Variants in CSMD3 observed in about 807,000 individuals in gnomAD.
The protein encoded by CSMD3 is CUB and sushi domain-containing protein 3.
In CSMD3, 177 loss-of-function variants were observed where a neutral mutation model predicts 435.2. That is an observed-to-expected ratio of 0.41 (90% CI 0.36 to 0.46). The LOEUF (loss-of-function observed/expected upper bound fraction) is 0.46. CSMD3 is among the 20% of genes least tolerant of loss of function. CSMD3 has a pLI of 0.34. For synonymous variants in CSMD3, 1,656 were observed against 1,520.5 expected (o/e 1.09, Z -2.07); for missense variants, 4,265 against 4,504.6 (o/e 0.95, Z 1.52).
At chr8:112,621,210 G>A (rs569503568) in intron 22 of CSMD3, among the ~76,000 whole-genome samples, 1 of 151,922 alleles carries the variant, frequency 6.6e-6, no homozygotes, top group South Asian at 2.1e-4. Flanking sequence ...ACTCCAGCCT[G>A]GGCAATAAGA....
intron 5 of CSMD3, among the ~76,000 whole-genome samples, chr8:113,038,718 G>A (rs935044001): frequency 2.0e-5 from 3 of 152,108 alleles, no homozygotes; most frequent in East Asian, 1.9e-4. Flanking sequence ...TCCTTACTGG[G>A]AGCCCTTACA....
At chr8:112,446,177 T>C (rs912716623) in intron 32 of CSMD3, among the ~76,000 whole-genome samples, 3 of 152,220 alleles carry the variant, frequency 2.0e-5, no homozygotes, top group Non-Finnish European at 2.9e-5. Context: ...CAGCTTGTAC[T>C]CTTAATCCAT....
chr8:112,430,127 C>T (rs1309137059), intron 32 of CSMD3, among the ~76,000 whole-genome samples: 1 of 152,020 alleles, frequency 6.6e-6, no homozygotes, highest in Admixed American at 6.6e-5. Context: ...GAATCAAATA[C>T]TTGTACGAGG....
At chr8:112,574,754 A>G (rs888377586) in intron 23 of CSMD3, among the ~76,000 whole-genome samples, 20 of 152,044 alleles carry the variant, frequency 1.3e-4, no homozygotes, top group African/African-American at 4.6e-4. Context: ...TTTATTCCAT[A>G]CTATTTTGTT....
intron 1 of CSMD3, among the ~76,000 whole-genome samples, chr8:113,423,947 G>T (rs1021040096): frequency 4.0e-5 from 6 of 151,760 alleles, no homozygotes; most frequent in African/African-American, 1.4e-4. Context: ...TAACAGTCAA[G>T]ATTTTGAGAT....
intron 13 of CSMD3, among the ~76,000 whole-genome samples, chr8:112,699,101 C>A (rs529431420): frequency 6.6e-6 from 1 of 152,208 alleles, no homozygotes; most frequent in African/African-American, 2.4e-5. Context: ...GCCACCCAAG[C>A]CAGCAGCAGC....
At chr8:113,253,651 C>T (rs1033882586) in intron 3 of CSMD3, among the ~76,000 whole-genome samples, 1 of 151,774 alleles carries the variant, frequency 6.6e-6, no homozygotes, top group African/African-American at 2.4e-5. Context: ...ACCATCCTGG[C>T]CAACATAGTG....
chr8:112,609,765 T>C (rs1441102642), intron 22 of CSMD3, among the ~76,000 whole-genome samples: 1 of 152,162 alleles, frequency 6.6e-6, no homozygotes, highest in Non-Finnish European at 1.5e-5. Flanking sequence ...CCTAAGTGTC[T>C]ATTGATGGAT....
Position 112,223,216 on chromosome 8 carries a change from T to A in CSMD3, c.*1555A>T, listed in dbSNP as rs1316007638. On this transcript the variant is annotated 3_prime_UTR_variant, in exon 71 of 71. Coordinates refer to ENST00000297405, the MANE Select transcript of CSMD3 (RefSeq NM_198123.2). ...GCATCCTGCCAGTAGAGTACCATGT[T>A]GAGAAAATTGTATGAATTTCCAAAA... The A allele has an allele frequency of 1.8e-5, 7 of 391,960 alleles. No individual in the cohort carries two copies. Among genetic ancestry groups the A allele is most frequent in the Non-Finnish European group, 2.7e-5 (6 of 221,636 alleles). 24.3% of individuals were successfully genotyped at this position (391,960 alleles called of 1,614,324 possible). A position where few individuals can be genotyped will look rare whatever the true frequency, so the allele number is the denominator to read the frequency against.
intron 5 of CSMD3, among the ~76,000 whole-genome samples, chr8:113,054,989 T>C (rs1246978744): frequency 2.0e-5 from 3 of 152,174 alleles, no homozygotes; most frequent in African/African-American, 7.2e-5. Context: ...TTATCTAACA[T>C]TTGAAATGTT....
intron 22 of CSMD3, among the ~76,000 whole-genome samples, chr8:112,593,479 G>A (rs922871130): frequency 6.6e-6 from 1 of 152,160 alleles, no homozygotes; most frequent in South Asian, 2.1e-4. Context: ...TAATGCTGAT[G>A]AATGTATTTT....
chr8:113,256,648 TAAAAAATAACTGG>T (rs1275864023), intron 3 of CSMD3, among the ~76,000 whole-genome samples: 1 of 152,162 alleles, frequency 6.6e-6, no homozygotes, highest in Non-Finnish European at 1.5e-5. Flanking sequence ...TTTCTAACTG[TAAAAAATAACTGG>T]CATCAAATTA....
At chr8:112,684,493 T>A (rs2075969547) in intron 15 of CSMD3, among the ~76,000 whole-genome samples, 1 of 152,056 alleles carries the variant, frequency 6.6e-6, no homozygotes, top group East Asian at 1.9e-4. Context: ...ACTTAAATAT[T>A]AACTCATCCA....
intron 63 of CSMD3, among the ~76,000 whole-genome samples, chr8:112,251,240 T>C (rs1341535634): frequency 6.6e-6 from 1 of 151,746 alleles, no homozygotes; most frequent in Non-Finnish European, 1.5e-5. Flanking sequence ...AAAATAAATT[T>C]ACGTTTTTCA....
intron 17 of CSMD3, among the ~76,000 whole-genome samples, chr8:112,658,007 G>A (rs1406343113): frequency 6.6e-6 from 1 of 152,014 alleles, no homozygotes; most frequent in East Asian, 1.9e-4. Flanking sequence ...TTGGATCAAA[G>A]AAAAAATGAA....
At chr8:112,960,118 T>C (rs1424830552) in intron 7 of CSMD3, among the ~76,000 whole-genome samples, 2 of 151,534 alleles carry the variant, frequency 1.3e-5, no homozygotes, top group Admixed American at 6.6e-5. Flanking sequence ...TAAAGATGAC[T>C]TTTTTTTGTT....
At chr8:112,374,871 A>G (rs1372569874) in intron 38 of CSMD3, among the ~76,000 whole-genome samples, 13 of 152,172 alleles carry the variant, frequency 8.5e-5, no homozygotes, top group Admixed American at 8.5e-4. Context: ...CTCTTAGGTG[A>G]AGAATCTAGA....
At chr8:113,066,719 A>G (rs552558810) in intron 5 of CSMD3, among the ~76,000 whole-genome samples, 7 of 152,218 alleles carry the variant, frequency 4.6e-5, no homozygotes, top group African/African-American at 1.7e-4. Flanking sequence ...TATGACTCTA[A>G]TTTACAAAGC....
intron 1 of CSMD3, among the ~76,000 whole-genome samples, chr8:113,322,217 C>G (rs537865718): frequency 6.6e-6 from 1 of 152,096 alleles, no homozygotes; most frequent in African/African-American, 2.4e-5. Context: ...ATTTTCTAAA[C>G]TTTTACTCAT....
Sources: gnomAD v4.1 joint callset for allele counts (sites outside exome capture counted in the v4.1 genomes callset) on GRCh38, gnomAD v4.1.1 for gene constraint, MANE v1.5 for transcripts, NCBI Gene and HGNC (gene_info 2026-07-23, HGNC 2026-07-21) for gene names.